RANBP2: variants seen among roughly 807,000 people sequenced by gnomAD.
RANBP2 encodes the protein RAN binding protein 2.
In RANBP2, 57 loss-of-function variants were observed where a neutral mutation model predicts 303.6. That is an observed-to-expected ratio of 0.19 (90% CI 0.15 to 0.23). The LOEUF is 0.23. Among genes scored for constraint, RANBP2 ranks in the 10% least tolerant of loss-of-function variants. The probability of loss-of-function intolerance (pLI) is 1.00; values close to 1 mark genes in which losing one functional copy is unlikely to be tolerated. For missense variants in RANBP2, 3,138 were observed against 3,780.8 expected, an observed-to-expected ratio of 0.83 and a Z score of 4.46; for synonymous variants, 1,167 against 1,301.5, an observed-to-expected ratio of 0.90 and a Z score of 2.23.
At chr2:108,838,645 T>C in the RANBP2 span, among the ~76,000 whole-genome samples, 13 of 152,258 alleles carry the variant, frequency 8.5e-5, no homozygotes, top group Admixed American at 4.6e-4. Flanking sequence ...AGTTAAATGT[T>C]TTTATAAATT....
chr2:108,768,416 A>T, intron 20 of RANBP2, 28 bp downstream of exon 20: 7 of 1,609,328 alleles, frequency 4.3e-6, no homozygotes, highest in Non-Finnish European at 5.9e-6. Context: ...AAAGTTAAGC[A>T]CAATTTTTCT....
chr2:109,217,133 A>G, the RANBP2 span, among the ~76,000 whole-genome samples: 1 of 152,220 alleles, frequency 6.6e-6, no homozygotes, highest in Non-Finnish European at 1.5e-5. Flanking sequence ...GCTAAATCCT[A>G]TTCCATCGTA....
the RANBP2 span, among the ~76,000 whole-genome samples, chr2:109,066,463 GC>G: frequency 6.6e-6 from 1 of 152,220 alleles, no homozygotes; most frequent in Admixed American, 6.5e-5. Flanking sequence ...CACGCAAACA[GC>G]GCTAACTGTT....
chr2:108,741,006 C>G (rs1483647138), intron 7 of RANBP2, among the ~76,000 whole-genome samples: 2 of 152,022 alleles, frequency 1.3e-5, no homozygotes, highest in African/African-American at 4.8e-5. Flanking sequence ...AAGCTTGATT[C>G]AGAAAGATGT....
chr2:108,976,578 A>C, the RANBP2 span, among the ~76,000 whole-genome samples: 1 of 152,136 alleles, frequency 6.6e-6, no homozygotes, highest in African/African-American at 2.4e-5. Flanking sequence ...TACATGAATT[A>C]CCTGGAGTTC....
the RANBP2 span, among the ~76,000 whole-genome samples, chr2:109,387,342 G>A: frequency 4.6e-5 from 7 of 152,214 alleles, no homozygotes; most frequent in East Asian, 5.8e-4. Flanking sequence ...AGAGCCCTCC[G>A]GTTCCCCATC....
At chr2:109,075,844 A>G in the RANBP2 span, among the ~76,000 whole-genome samples, 1 of 150,648 alleles carries the variant, frequency 6.6e-6, no homozygotes, top group Middle Eastern at 3.4e-3. Flanking sequence ...ACCTCCCAAA[A>G]AAGAAAAATC....
the RANBP2 span, among the ~76,000 whole-genome samples, chr2:109,218,277 T>C: frequency 6.6e-6 from 1 of 152,342 alleles, no homozygotes; most frequent in Non-Finnish European, 1.5e-5. Flanking sequence ...TTTGAAACTT[T>C]CTTGGCTCTC....
chr2:108,838,078 G>T, the RANBP2 span, among the ~76,000 whole-genome samples: 1 of 152,050 alleles, frequency 6.6e-6, no homozygotes, highest in Non-Finnish European at 1.5e-5. Flanking sequence ...AATAATTTTG[G>T]CAGTACTAAG....
the RANBP2 span, among the ~76,000 whole-genome samples, chr2:109,570,267 G>A: frequency 1.4e-3 from 209 of 152,212 alleles, no homozygotes; most frequent in African/African-American, 4.2e-3. Flanking sequence ...TGATACCCAT[G>A]ACCTTTACCG....
the RANBP2 span, among the ~76,000 whole-genome samples, chr2:109,276,930 G>T: frequency 6.6e-6 from 1 of 152,162 alleles, no homozygotes; most frequent in African/African-American, 2.4e-5. Context: ...ATGTTTCGGG[G>T]AGGGTGTAAG....
At chr2:109,464,586 C>T in the RANBP2 span, among the ~76,000 whole-genome samples, 2 of 152,228 alleles carry the variant, frequency 1.3e-5, no homozygotes, top group Non-Finnish European at 2.9e-5. Context: ...CCCTCACAAT[C>T]GATTTCCTCT....
chr2:108,885,603 G>C, the RANBP2 span: 1 of 152,126 alleles, frequency 6.6e-6, no homozygotes, highest in Admixed American at 6.5e-5. Flanking sequence ...TATAATGTGT[G>C]GTGATCAAGT....
chr2:108,765,317 A>G lies in RANBP2; in HGVS notation c.4778A>G (p.Lys1593Arg). The change falls in exon 20 of 29, where the codon AAG becomes AGG. Residue 1593 changes from lysine to arginine, a missense_variant. Around this residue, in one of 20 missense-constraint regions of RANBP2, gnomAD observed 28 missense variants for 43.2 expected, o/e 0.65. Transcript: ENST00000283195. ...AAGTTTGGTACTTCAGAGACAAGCAAGGCTCCAAAGAGCGGATTTGAGGGA... is the reference window on the plus strand; with the variant it reads ...AAGTTTGGTACTTCAGAGACAAGCAGGGCTCCAAAGAGCGGATTTGAGGGA... ...SFKFGTSETS[K>R]APKSGFEGMF... The G allele has an allele frequency of 6.2e-7, 1 of 1,614,064 alleles. No individual in the cohort carries two copies. The highest frequency in any genetic ancestry group is 8.5e-7 in the Non-Finnish European group (1 of 1,179,932).
At chr2:109,188,103 G>A in the RANBP2 span, among the ~76,000 whole-genome samples, 26 of 152,344 alleles carry the variant, frequency 1.7e-4, no homozygotes, top group Middle Eastern at 3.4e-3. Flanking sequence ...TGCTCTGTGC[G>A]GTGCTCTCGG....
chr2:109,432,776 G>T, the RANBP2 span: 2 of 1,427,062 alleles, frequency 1.4e-6, no homozygotes, highest in Non-Finnish European at 1.9e-6. Context: ...GGCCCAGAAG[G>T]CAGCAAGGCC....
At chr2:108,815,461 GT>G in the RANBP2 span, among the ~76,000 whole-genome samples, 2,451 of 70,728 alleles carry the variant, frequency 0.035, 15 homozygotes, top group African/African-American at 0.1. Context: ...GGTTTTTGGT[GT>G]TTTTTTTTTT....
chr2:108,970,891 G>A, the RANBP2 span, among the ~76,000 whole-genome samples: 1 of 152,188 alleles, frequency 6.6e-6, no homozygotes, highest in East Asian at 1.9e-4. Flanking sequence ...ACAAATACAA[G>A]TGATAGATTT....
chr2:108,803,884 A>G, the RANBP2 span, among the ~76,000 whole-genome samples: 1 of 152,184 alleles, frequency 6.6e-6, no homozygotes, highest in African/African-American at 2.4e-5. Flanking sequence ...AGTATCTTTT[A>G]GATATGGAAA....
Sources: gnomAD v4.1 joint callset for allele counts (sites outside exome capture counted in the v4.1 genomes callset) on GRCh38, gnomAD v4.1.1 for gene constraint, gnomAD v4.1.1 regional missense constraint, MANE v1.5 for transcripts, NCBI Gene and HGNC (gene_info 2026-07-23, HGNC 2026-07-21) for gene names.